The following CBFA2T3 variants were observed in gnomAD, a reference collection of about 807,000 sequenced individuals.
CBFA2T3 encodes the protein transcriptional corepressor CBFA2T3.
A neutral mutation model predicts 58.6 loss-of-function variants in CBFA2T3; 31 were observed. The ratio of observed to expected loss-of-function variants is 0.53; its 90% CI spans 0.40 to 0.71. The LOEUF (loss-of-function observed/expected upper bound fraction) is 0.71, where lower values mean the gene tolerates loss of function less well. Ranked by LOEUF, CBFA2T3 falls within the 30% of genes least tolerant of loss-of-function variation. The probability of loss-of-function intolerance (pLI) is 0.00; values close to 1 mark genes in which losing one functional copy is unlikely to be tolerated. For synonymous variants in CBFA2T3, 531 were observed against 421.9 expected (o/e 1.26, Z -3.17); for missense variants, 1,076 against 963.1 (o/e 1.12, Z -1.55).
rs544851154 is a variant in CBFA2T3 at position 88,893,266 on chromosome 16, C to T, written c.380-781G>A. 5.5e-5 allele frequency among the ~76,000 whole-genome samples: 8 copies of T among 146,256 alleles called. No homozygotes were observed. The South Asian group carries it at 1.7e-3, about 32-fold the overall frequency. Reference sequence around the variant, plus strand: ...CCCAGCCCTGAGCAATGTGCCTCCCCACACACAGGCGCCTCCCAGCCCTGA... The same window carrying T: ...CCCAGCCCTGAGCAATGTGCCTCCCTACACACAGGCGCCTCCCAGCCCTGA... On this transcript the variant is annotated intron_variant, in intron 3 of 11. Coordinates refer to ENST00000268679, the MANE Select transcript of CBFA2T3 (RefSeq NM_005187.6).
At chr16:88,881,681 C>T (rs953310137) in intron 8 of CBFA2T3, 192 bp from the exon 9 acceptor site, 12 of 570,438 alleles carry the variant, frequency 2.1e-5, no homozygotes, top group African/African-American at 1.5e-4. Context: ...GACTGCCGAG[C>T]GCCTGGGGGT....
At chr16:88,941,171 C>T (rs1971713437) in intron 1 of CBFA2T3, 4 of 982,312 alleles carry the variant, frequency 4.1e-6, no homozygotes, top group Non-Finnish European at 4.8e-6. Flanking sequence ...CTCAGGCGCG[C>T]GGCGGGGCTG....
intron 1 of CBFA2T3, among the ~76,000 whole-genome samples, chr16:88,905,493 G>C (rs991049129): frequency 6.6e-6 from 1 of 151,780 alleles, no homozygotes; most frequent in Non-Finnish European, 1.5e-5. Flanking sequence ...TGTTTGCAGG[G>C]TCTCTGTGCT....
intron 1 of CBFA2T3, among the ~76,000 whole-genome samples, chr16:88,914,019 G>A (rs561275474): frequency 1.1e-4 from 16 of 152,290 alleles, no homozygotes; most frequent in Middle Eastern, 3.4e-3. Flanking sequence ...CTCAGCAAGC[G>A]TGCACCGAGG....
At chr16:88,887,978 C>T (rs1025300468) in intron 5 of CBFA2T3, among the ~76,000 whole-genome samples, 2 of 152,208 alleles carry the variant, frequency 1.3e-5, no homozygotes, top group Non-Finnish European at 2.9e-5. Flanking sequence ...ACCGTGGGCT[C>T]TGCCATAGAG....
intron 1 of CBFA2T3, among the ~76,000 whole-genome samples, chr16:88,931,628 G>A (rs558697202): frequency 6.0e-5 from 9 of 149,494 alleles, no homozygotes; most frequent in African/African-American, 1.3e-4. Flanking sequence ...CCCCGTGGAC[G>A]AGCCAGAGGT....
chr16:88,896,822 C>A (rs375667533), intron 3 of CBFA2T3, among the ~76,000 whole-genome samples: 1 of 152,198 alleles, frequency 6.6e-6, no homozygotes, highest in Non-Finnish European at 1.5e-5. Context: ...CCCTTAGGTG[C>A]GCTTACCAGC....
At chr16:88,946,118 G>A (rs1971895399) in intron 1 of CBFA2T3, among the ~76,000 whole-genome samples, 1 of 152,078 alleles carries the variant, frequency 6.6e-6, no homozygotes, top group Non-Finnish European at 1.5e-5. Context: ...GACCAGCCTG[G>A]CCAACATGGC....
chr16:88,900,419 C>A (rs1377151572), intron 2 of CBFA2T3, among the ~76,000 whole-genome samples: 1 of 152,262 alleles, frequency 6.6e-6, no homozygotes, highest in Admixed American at 6.5e-5. Flanking sequence ...GGAGCAGGCC[C>A]CCAGCCTCAG....
rs1972291695 is a variant in CBFA2T3, at chr16:88,958,691, G to T, written c.151+17966C>A. On this transcript the variant is annotated intron_variant, in intron 1 of 11. Coordinates refer to ENST00000268679, the MANE Select transcript of CBFA2T3 (RefSeq NM_005187.6). The surrounding 1 kb of genome is among the most constrained non-coding windows in gnomAD (Gnocchi z 4.0). ...GACAAACTCGCTCCCCCAGGGCCGG[G>T]GGCTGGGGGCCTCGGTGTGGCCTTT... Among the ~76,000 whole-genome samples, 1 of 152,126 alleles carries T rather than the reference G, an allele frequency of 6.6e-6. No individual in the cohort carries two copies. The highest frequency in any genetic ancestry group is 1.9e-4 in the East Asian group (1 of 5,178).
rs759245653 is a variant in CBFA2T3, at chr16:88,879,472, A to G, written c.1472-12T>C. The G allele has an allele frequency of 1.9e-6, 3 of 1,602,618 alleles. No individual in the cohort carries two copies. Among genetic ancestry groups the G allele is most frequent in the African/African-American group, 1.3e-5 (1 of 74,770 alleles). On this transcript the variant is annotated splice_polypyrimidine_tract_variant and intron_variant, in intron 10 of 11. Coordinates refer to ENST00000268679, the MANE Select transcript of CBFA2T3 (RefSeq NM_005187.6). ...ATTCACGGCCTCTTCTGCAAAGGAC[A>G]TGGGCAGGGCTGGCGGTCACATGGG...
intron 7 of CBFA2T3, chr16:88,884,655 C>T (rs1969284231): frequency 5.4e-6 from 1 of 184,584 alleles, no homozygotes; most frequent in South Asian, 1.6e-4. Flanking sequence ...CCTTGCTGGG[C>T]CCTGCATTAA....
At chr16:88,961,507 G>C (rs1035486153) in intron 1 of CBFA2T3, among the ~76,000 whole-genome samples, 9 of 136,242 alleles carry the variant, frequency 6.6e-5, no homozygotes, top group African/African-American at 2.6e-4. Flanking sequence ...GACCCTCAGC[G>C]CTGGACATTC....
intron 1 of CBFA2T3, among the ~76,000 whole-genome samples, chr16:88,914,178 G>A (rs572418351): frequency 1.7e-4 from 26 of 152,352 alleles, no homozygotes; most frequent in African/African-American, 4.3e-4. Flanking sequence ...GCCAGGCCCC[G>A]CAGAGCATGG....
rs58270745 is a variant in CBFA2T3, at chr16:88,890,702, C to CTTCATTCA, written c.711+1172_711+1179dup. ...ATCACTCTCCCATGGGAATCACTGG[C>CTTCATTCA]TTCATTCATTCATTCATTCATTCAT... On this transcript the variant is annotated intron_variant, in intron 5 of 11. Transcript: ENST00000268679. 4.3e-3 allele frequency among the ~76,000 whole-genome samples: 656 copies of CTTCATTCA among 151,374 alleles called. 3 individuals are homozygous for CTTCATTCA. The highest frequency in any genetic ancestry group is 7.1e-3 in the African/African-American group (293 of 41,088).
rs116527860 is a variant in CBFA2T3, at chr16:88,918,010, G to A, written c.152-16354C>T. 4.6e-3 allele frequency among the ~76,000 whole-genome samples: 705 copies of A among 152,246 alleles called. 2 individuals are homozygous for A. Among genetic ancestry groups the A allele is most frequent in the African/African-American group, 0.016 (678 of 41,542 alleles). ...ACTTTAGAGGTGGCCTCCCTGGAGT[G>A]GAGGAGTGGACAGCCTGGGCTGGCT... is the stretch of plus-strand genomic sequence containing the variant. On this transcript the variant is annotated intron_variant, in intron 1 of 11. Transcript: ENST00000268679.
chr16:88,974,793 G>C (rs371525027), intron 1 of CBFA2T3, among the ~76,000 whole-genome samples: 3 of 152,006 alleles, frequency 2.0e-5, no homozygotes, highest in Admixed American at 1.3e-4. Flanking sequence ...CGCTCCTCCA[G>C]CCAGGCGAGG....
In CBFA2T3 at chr16:88,876,892, G is replaced by A. The variant is rs572701746; in HGVS notation, c.*84C>T. The A allele has an allele frequency of 1.8e-5, 20 of 1,125,610 alleles. No individual in the cohort carries two copies. The highest frequency in any genetic ancestry group is 7.3e-5 in the Admixed American group (2 of 27,552). The allele number at this position is 1,125,610 out of a possible 1,614,324, so 69.7% of individuals were successfully genotyped here. ...CGCAGTGTCTGGCAGGCCAGGCATC[G>A]GAGGCCAGGCACAGCATCCGGTGGG... is the stretch of plus-strand genomic sequence containing the variant. On this transcript the variant is annotated 3_prime_UTR_variant, in exon 12 of 12. Transcript: ENST00000268679.
intron 1 of CBFA2T3, among the ~76,000 whole-genome samples, chr16:88,929,992 C>T (rs1373792498): frequency 1.4e-5 from 2 of 146,910 alleles, no homozygotes; most frequent in African/African-American, 2.7e-5. Flanking sequence ...ATGGTCCACG[C>T]AAAAGCTACC....
Sources: allele counts gnomAD v4.1 joint callset (sites outside exome capture counted in the v4.1 genomes callset), GRCh38; gene constraint gnomAD v4.1.1; non-coding constraint Gnocchi (gnomAD v3.1); transcripts MANE v1.5; gene names NCBI Gene and HGNC (gene_info 2026-07-23, HGNC 2026-07-21).